SLC13A3: variants seen among roughly 807,000 people sequenced by gnomAD.
The protein encoded by SLC13A3 is Na(+)/dicarboxylate cotransporter 3.
In SLC13A3, 40 loss-of-function variants were observed where a neutral mutation model predicts 59.0. The ratio of observed to expected loss-of-function variants is 0.68; its 90% CI spans 0.53 to 0.88. The LOEUF is 0.88. Ranked by LOEUF, SLC13A3 falls within the 40% of genes least tolerant of loss-of-function variation. The probability of loss-of-function intolerance (pLI) is 0.00; values close to 1 mark genes in which losing one functional copy is unlikely to be tolerated. For missense variants in SLC13A3, 699 were observed against 783.2 expected (o/e 0.89, Z 1.28); for synonymous variants, 317 against 330.3 (o/e 0.96, Z 0.44).
At chr20:46,649,688 A>G (rs2062934233) in intron 1 of SLC13A3, among the ~76,000 whole-genome samples, 1 of 152,180 alleles carries the variant, frequency 6.6e-6, no homozygotes, top group South Asian at 2.1e-4. Context: ...AAACCCAAAG[A>G]GGAAAGGAGA....
At chr20:46,649,271 T>G (rs922743846) in intron 1 of SLC13A3, among the ~76,000 whole-genome samples, 2 of 152,156 alleles carry the variant, frequency 1.3e-5, no homozygotes, top group Non-Finnish European at 2.9e-5. Context: ...CATTCAGTTG[T>G]GCATGTTGGA....
upstream of SLC13A3, among the ~76,000 whole-genome samples, chr20:46,674,588 T>TGCGTGCGCGCGC (rs2063111477): frequency 7.3e-6 from 1 of 136,756 alleles, no homozygotes; most frequent in African/African-American, 2.9e-5. Context: ...AGGTGGGGAG[T>TGCGTGCGCGCGC]GCGCGCGCGC....
chr20:46,657,362 G>A (rs113704075), intron 1 of SLC13A3, among the ~76,000 whole-genome samples: 2,702 of 147,126 alleles, frequency 0.018, 73 homozygotes, highest in African/African-American at 0.062. Flanking sequence ...GACAGAGTGC[G>A]AAAATGTCTC....
intron 1 of SLC13A3, among the ~76,000 whole-genome samples, chr20:46,658,300 C>G (rs1381097951): frequency 6.6e-6 from 1 of 151,984 alleles, no homozygotes; most frequent in Non-Finnish European, 1.5e-5. Context: ...TTAAAAGAGG[C>G]AAACTTCAAT....
intron 3 of SLC13A3, among the ~76,000 whole-genome samples, chr20:46,609,679 T>C (rs1416738921): frequency 6.6e-6 from 1 of 152,234 alleles, no homozygotes; most frequent in Admixed American, 6.5e-5. Context: ...CTCTATGAGA[T>C]CCATTTATAG....
chr20:46,596,098 G>C (rs572114053), intron 5 of SLC13A3, 59 bp downstream of exon 5: 31 of 1,481,250 alleles, frequency 2.1e-5, no homozygotes, highest in Non-Finnish European at 2.7e-5. Flanking sequence ...GTTGAATGAA[G>C]GAGGGAAGAG....
chr20:46,569,503 C>A (rs79692842), intron 10 of SLC13A3, among the ~76,000 whole-genome samples: 2 of 152,044 alleles, frequency 1.3e-5, no homozygotes, highest in African/African-American at 4.8e-5. Context: ...GTCACTTAAC[C>A]TCTCTGTGCT....
chr20:46,673,949 G>A (rs2063107161), upstream of SLC13A3, among the ~76,000 whole-genome samples: 1 of 152,202 alleles, frequency 6.6e-6, no homozygotes, highest in South Asian at 2.1e-4. Context: ...ATACAACAGT[G>A]ATCAAATCAG....
At position 46,608,804 on chromosome 20, in the gene SLC13A3, G is replaced by A. The variant is rs2122734945; in HGVS notation, c.541+1642C>T. On this transcript the variant is annotated intron_variant, in intron 3 of 12. Coordinates refer to ENST00000279027, the MANE Select transcript of SLC13A3 (RefSeq NM_022829.6). ...TGGTTTCATGGATAATGCTTGTTGT[G>A]TTCACTGAGGTAAATGATCCAAAGC... 2.8e-6 allele frequency: 4 copies of A among 1,449,774 alleles called. No homozygotes were observed. The East Asian group carries it at 7.5e-5, about 27-fold the overall frequency. The allele number at this position is 1,449,774 out of a possible 1,614,324, so 89.8% of individuals were successfully genotyped here.
intron 1 of SLC13A3, among the ~76,000 whole-genome samples, chr20:46,680,639 A>G (rs553222267): frequency 1.3e-5 from 2 of 152,328 alleles, no homozygotes; most frequent in South Asian, 4.1e-4. Context: ...AGTCCTGGCC[A>G]TCTCAGGCCA....
chr20:46,628,463 C>T (rs939646360), intron 1 of SLC13A3, among the ~76,000 whole-genome samples: 10 of 152,134 alleles, frequency 6.6e-5, no homozygotes, highest in Admixed American at 3.3e-4. Context: ...AAGGAACTGA[C>T]GGCAAGGCCT....
intron 1 of SLC13A3, among the ~76,000 whole-genome samples, chr20:46,636,946 G>A (rs556251530): frequency 2.3e-4 from 35 of 152,018 alleles, no homozygotes; most frequent in African/African-American, 6.0e-4. Flanking sequence ...GATTATAGGC[G>A]CCCACCACCA....
At chr20:46,568,782 C>T (rs998462108) in intron 10 of SLC13A3, among the ~76,000 whole-genome samples, 32 of 152,198 alleles carry the variant, frequency 2.1e-4, no homozygotes, top group African/African-American at 7.2e-4. Context: ...ATTAATGACT[C>T]GGGCAAGTGA....
At chr20:46,616,320 T>C (rs1293483186) in intron 1 of SLC13A3, among the ~76,000 whole-genome samples, 1 of 152,214 alleles carries the variant, frequency 6.6e-6, no homozygotes. Flanking sequence ...GGCACTCTTC[T>C]GGAGAAGTGA....
At chr20:46,566,896 A>G (rs2061985986) in intron 10 of SLC13A3, among the ~76,000 whole-genome samples, 1 of 151,826 alleles carries the variant, frequency 6.6e-6, no homozygotes, top group African/African-American at 2.4e-5. Flanking sequence ...ATATACATCA[A>G]CTACAACACA....
At chr20:46,609,060 A>G (rs1355903559) in intron 3 of SLC13A3, 1 of 1,549,978 alleles carries the variant, frequency 6.5e-7, no homozygotes, top group South Asian at 1.2e-5. Flanking sequence ...TTCTATTCCT[A>G]AAAGAACAAA....
At chr20:46,583,509 T>G in intron 9 of SLC13A3, 63 bp downstream of exon 9, 1 of 1,590,660 alleles carries the variant, frequency 6.3e-7, no homozygotes, top group Non-Finnish European at 8.5e-7. Context: ...AGGCCCTTGA[T>G]GACCACACTC....
upstream of SLC13A3, among the ~76,000 whole-genome samples, chr20:46,674,148 C>A (rs910722602): frequency 6.6e-6 from 1 of 152,122 alleles, no homozygotes; most frequent in Non-Finnish European, 1.5e-5. Flanking sequence ...TTTCGGTTCC[C>A]CTCCCCTCCA....
At chr20:46,630,541 A>G (rs2062726428) in intron 1 of SLC13A3, among the ~76,000 whole-genome samples, 1 of 152,204 alleles carries the variant, frequency 6.6e-6, no homozygotes, top group Non-Finnish European at 1.5e-5. Context: ...TCTTCTTCAT[A>G]TGCTGGCGAG....
Sources: allele counts gnomAD v4.1 joint callset (sites outside exome capture counted in the v4.1 genomes callset), GRCh38; gene constraint gnomAD v4.1.1; transcripts MANE v1.5; gene names NCBI Gene and HGNC (gene_info 2026-07-23, HGNC 2026-07-21).